The following SYNJ2 variants were observed in gnomAD, a reference collection of about 807,000 sequenced individuals.
SYNJ2 encodes polyphosphatidylinositol phosphatase SYNJ2.
In SYNJ2, 116 loss-of-function variants were observed where a neutral mutation model predicts 141.3. The ratio of observed to expected loss-of-function variants is 0.82; its 90% CI spans 0.71 to 0.96. The LOEUF is 0.96. SYNJ2 is among the 40% of genes least tolerant of loss of function. The probability of loss-of-function intolerance (pLI) is 0.00; values close to 1 mark genes in which losing one functional copy is unlikely to be tolerated. For synonymous variants in SYNJ2, 745 were observed against 777.7 expected (o/e 0.96, Z 0.70); for missense variants, 1,873 against 1,934.8 (o/e 0.97, Z 0.60).
chr6:157,986,950 A>G (rs1252072290), intron 1 of SYNJ2, among the ~76,000 whole-genome samples: 1 of 151,204 alleles, frequency 6.6e-6, no homozygotes, highest in Non-Finnish European at 1.5e-5. Context: ...GCATTTAGAT[A>G]TAGAAGTTCA....
Position 157,982,181 on chromosome 6 carries a change from A to T in SYNJ2, c.127+93A>T. On this transcript the variant is annotated intron_variant, in intron 1 of 26. Transcript: ENST00000355585. This position sits in a 1 kb window ranked among gnomAD's most constrained non-coding sequence, Gnocchi z 4.0. ...ACGGGTACCCCCCCTTCCCGAGGGGATCGGGCGGCGCTGGGACTGCCGGGG... is the reference window on the plus strand; with the variant it reads ...ACGGGTACCCCCCCTTCCCGAGGGGTTCGGGCGGCGCTGGGACTGCCGGGG... 7 of 1,240,214 alleles carry T rather than the reference A, an allele frequency of 5.6e-6. No homozygotes were observed. Among genetic ancestry groups the T allele is most frequent in the Non-Finnish European group, 7.1e-6 (7 of 989,392 alleles). The allele number at this position is 1,240,214 out of a possible 1,614,324, so 76.8% of individuals were successfully genotyped here. A position where few individuals can be genotyped will look rare whatever the true frequency, so the allele number is the denominator to read the frequency against.
At chr6:158,051,862 G>A (rs1421924822) in intron 5 of SYNJ2, among the ~76,000 whole-genome samples, 3 of 151,916 alleles carry the variant, frequency 2.0e-5, no homozygotes, top group Non-Finnish European at 4.4e-5. Flanking sequence ...AGGCTGAGGT[G>A]GGAGGATCAT....
chr6:158,061,788 C>T (rs1393135058), intron 7 of SYNJ2, among the ~76,000 whole-genome samples: 1 of 152,152 alleles, frequency 6.6e-6, no homozygotes, highest in Non-Finnish European at 1.5e-5. Context: ...GCAAGACGCT[C>T]TTTGTGGGTT....
chr6:158,082,993 T>C (rs1782795693), intron 20 of SYNJ2, among the ~76,000 whole-genome samples: 1 of 151,880 alleles, frequency 6.6e-6, no homozygotes, highest in African/African-American at 2.4e-5. Flanking sequence ...AGTGCAGTGG[T>C]GCAATCTCGG....
intron 22 of SYNJ2, among the ~76,000 whole-genome samples, chr6:158,085,952 C>A (rs965251441): frequency 6.6e-6 from 1 of 152,038 alleles, no homozygotes; most frequent in Admixed American, 6.5e-5. Context: ...CGGGGGTGGC[C>A]GTCATGCAGG....
In SYNJ2 at chr6:158,070,351, T is replaced by C; in HGVS notation, c.1940+678T>C. The C allele has an allele frequency of 1.0e-6, 1 of 985,494 alleles. No homozygotes were observed. The highest frequency in any genetic ancestry group is 1.2e-6 in the Non-Finnish European group (1 of 830,006). 61.0% of individuals were successfully genotyped at this position (985,494 alleles called of 1,614,324 possible). The stretch of plus-strand genomic sequence containing the variant: ...CTGGGTCCCGGGAAGGGCCTGTGCC[T>C]GCCAAGAGCACCACGGGTACACCCC... On this transcript the variant is annotated intron_variant, in intron 14 of 26. Coordinates refer to ENST00000355585, the MANE Select transcript of SYNJ2 (RefSeq NM_003898.4). The surrounding 1 kb of genome is among the most constrained non-coding windows in gnomAD (Gnocchi z 4.0).
intron 1 of SYNJ2, among the ~76,000 whole-genome samples, chr6:158,011,056 T>TA (rs1447295085): frequency 6.9e-6 from 1 of 145,662 alleles, no homozygotes; most frequent in Non-Finnish European, 1.5e-5. Flanking sequence ...AATGGCCACA[T>TA]AATGGTGGGG....
intron 4 of SYNJ2, among the ~76,000 whole-genome samples, chr6:158,034,678 A>G (rs566189244): frequency 1.3e-5 from 2 of 152,220 alleles, no homozygotes; most frequent in Admixed American, 6.5e-5. Context: ...TGCACTGTGG[A>G]TATCAACGAG....
intron 2 of SYNJ2, chr6:158,028,505 G>T (rs1779181223): frequency 1.8e-6 from 1 of 549,440 alleles, no homozygotes; most frequent in African/African-American, 1.9e-5. Flanking sequence ...GCAGGAATCT[G>T]CATGTCTAAC....
At chr6:158,005,035 C>T (rs1179842165) in intron 1 of SYNJ2, among the ~76,000 whole-genome samples, 1 of 151,848 alleles carries the variant, frequency 6.6e-6, no homozygotes, top group Non-Finnish European at 1.5e-5. Flanking sequence ...TCTTTCTCCA[C>T]TTTCACCTTG....
Position 157,982,727 on chromosome 6 carries a change from C to T in SYNJ2, c.127+639C>T, listed in dbSNP as rs186653123. The stretch of plus-strand genomic sequence containing the variant: ...TGGCATTGTGCTATGGGCTTTAGTA[C>T]GTGATCTCACTTAATTCTCACAATT... On this transcript the variant is annotated intron_variant, in intron 1 of 26. Coordinates refer to ENST00000355585, the MANE Select transcript of SYNJ2 (RefSeq NM_003898.4). The surrounding 1 kb of genome is among the most constrained non-coding windows in gnomAD (Gnocchi z 4.0). Among the ~76,000 whole-genome samples the T allele has an allele frequency of 7.2e-3, 1,094 of 152,306 alleles. 10 individuals carry two copies. The highest frequency in any genetic ancestry group is 8.4e-3 in the Non-Finnish European group (570 of 68,022).
intron 15 of SYNJ2, 31 bp from the exon 16 acceptor site, chr6:158,074,549 C>T: frequency 6.2e-7 from 1 of 1,602,682 alleles, no homozygotes; most frequent in Non-Finnish European, 8.5e-7. Context: ...GCAAGATGGG[C>T]TGAATGATTA....
intron 7 of SYNJ2, chr6:158,059,556 C>CTTT (rs71805887): frequency 3.6e-5 from 43 of 1,178,732 alleles, no homozygotes; most frequent in Admixed American, 3.5e-4. Context: ...AATTTCTTTT[C>CTTT]TTTTTTTTTT....
Position 158,009,308 on chromosome 6 carries a change from C to G in SYNJ2, c.128-7896C>G, listed in dbSNP as rs571942624. Among the ~76,000 whole-genome samples the G allele has an allele frequency of 2.0e-5, 3 of 152,194 alleles. No individual in the cohort carries two copies. In the South Asian group the frequency reaches 6.2e-4, roughly 31 times the overall value. On this transcript the variant is annotated intron_variant, in intron 1 of 26. Coordinates refer to ENST00000355585, the MANE Select transcript of SYNJ2 (RefSeq NM_003898.4). ...TCTTCCTGGCTGTGCCTCGGCAGTG[C>G]CCCCACCCCAGCCTCCCACCCCATC...
chr6:158,047,796 A>AAC (rs1562355877), intron 5 of SYNJ2, among the ~76,000 whole-genome samples: 2 of 149,986 alleles, frequency 1.3e-5, no homozygotes, highest in African/African-American at 4.9e-5. Context: ...AAAAAAAAAA[A>AAC]AAAAAAAAAC....
At chr6:158,055,151 C>G (rs1022191441) in intron 6 of SYNJ2, 123 bp downstream of exon 6, 1 of 1,011,794 alleles carries the variant, frequency 9.9e-7, no homozygotes, top group African/African-American at 1.6e-5. Flanking sequence ...TCTAAAGCTG[C>G]TTTCCCTTTG....
chr6:158,037,355 G>T (rs542726364), intron 4 of SYNJ2, among the ~76,000 whole-genome samples: 1 of 149,776 alleles, frequency 6.7e-6, no homozygotes, highest in Non-Finnish European at 1.5e-5. Flanking sequence ...GACTCCAGTC[G>T]TACTGGATCA....
At position 158,099,027 on chromosome 6, in the gene SYNJ2, C is replaced by T. The variant is rs1036373348; in HGVS notation, c.*2663C>T. On this transcript the variant is annotated 3_prime_UTR_variant, in exon 27 of 27. Coordinates refer to ENST00000355585, the MANE Select transcript of SYNJ2 (RefSeq NM_003898.4). ...AAACAAAGTAATGTATCAAAGCGTTCACTTTATAATGAAGTCATTTCATTG... is the reference window on the plus strand; with the variant it reads ...AAACAAAGTAATGTATCAAAGCGTTTACTTTATAATGAAGTCATTTCATTG... 8.5e-5 allele frequency: 13 copies of T among 152,162 alleles called. No homozygotes were observed. Among genetic ancestry groups the T allele is most frequent in the Non-Finnish European group, 1.6e-4 (11 of 68,026 alleles). 9.4% of individuals were successfully genotyped at this position (152,162 alleles called of 1,614,324 possible).
At chr6:158,065,196 G>A (rs944540701) in intron 11 of SYNJ2, among the ~76,000 whole-genome samples, 9 of 152,196 alleles carry the variant, frequency 5.9e-5, no homozygotes, top group Non-Finnish European at 4.4e-5. Context: ...CCTCTGTCTC[G>A]GCTTGGACTG....
Sources: gnomAD v4.1 joint callset for allele counts (sites outside exome capture counted in the v4.1 genomes callset) on GRCh38, gnomAD v4.1.1 for gene constraint, Gnocchi (gnomAD v3.1) non-coding constraint, MANE v1.5 for transcripts, NCBI Gene and HGNC (gene_info 2026-07-23, HGNC 2026-07-21) for gene names.